The following KPNA5 variants were observed in gnomAD, a reference collection of about 807,000 sequenced individuals.
KPNA5 encodes the protein karyopherin subunit alpha 5, also known as importin subunit alpha-6.
A neutral mutation model predicts 71.3 loss-of-function variants in KPNA5; 46 were observed. That is an observed-to-expected ratio of 0.65 (90% CI 0.51 to 0.83). The LOEUF (loss-of-function observed/expected upper bound fraction) is 0.83. Among genes scored for constraint, KPNA5 ranks in the 40% least tolerant of loss-of-function variants. The probability of loss-of-function intolerance (pLI) is 0.00; values close to 1 mark genes in which losing one functional copy is unlikely to be tolerated. For missense variants in KPNA5, 547 were observed against 628.3 expected (o/e 0.87, Z 1.38); for synonymous variants, 207 against 201.4 (o/e 1.03, Z -0.24).
At position 116,739,149 on chromosome 6, in the gene KPNA5, CAA is replaced by C. The variant is rs1779776371; in HGVS notation, c.*6828_*6829del. 6.6e-6 allele frequency: 1 copy of C among 152,174 alleles called. No individual in the cohort carries two copies. Among genetic ancestry groups the C allele is most frequent in the African/African-American group, 2.4e-5 (1 of 41,434 alleles). 9.4% of individuals were successfully genotyped at this position (152,174 alleles called of 1,614,324 possible). On this transcript the variant is annotated 3_prime_UTR_variant, in exon 14 of 14. Coordinates refer to ENST00000368564, the MANE Select transcript of KPNA5 (RefSeq NM_001366306.2). ...TCCTTAAGCTGATAAGCAACTTCAG[CAA>C]AGTCTCAGGATACAAAATCAATGTA...
At chr6:116,681,872 C>T (rs1224678813) in intron 1 of KPNA5, among the ~76,000 whole-genome samples, 3 of 152,052 alleles carry the variant, frequency 2.0e-5, no homozygotes, top group African/African-American at 7.2e-5. Flanking sequence ...TTCTAATAGT[C>T]GGGCAGCTCC....
chr6:116,722,729 A>G (rs1027273727), intron 9 of KPNA5, among the ~76,000 whole-genome samples: 2 of 152,202 alleles, frequency 1.3e-5, no homozygotes, highest in Non-Finnish European at 2.9e-5. Flanking sequence ...TATTAAAGAT[A>G]ACATGTTTCT....
In KPNA5 at chr6:116,734,742, AAAG is replaced by A. The variant is rs1779611435; in HGVS notation, c.*2422_*2424del. On this transcript the variant is annotated 3_prime_UTR_variant, in exon 14 of 14. Coordinates refer to ENST00000368564, the MANE Select transcript of KPNA5 (RefSeq NM_001366306.2). ...AAAAAAAAAAAAAAAGAAAGAAAGA[AAAG>A]AAAAAAATAAATAAAATGCTCCAAA... The A allele has an allele frequency of 6.6e-6, 1 of 151,180 alleles. No individual in the cohort carries two copies. Among genetic ancestry groups the A allele is most frequent in the Admixed American group, 6.6e-5 (1 of 15,148 alleles). 9.4% of individuals were successfully genotyped at this position (151,180 alleles called of 1,614,324 possible).
intron 1 of KPNA5, among the ~76,000 whole-genome samples, chr6:116,684,490 C>T (rs1777493664): frequency 6.6e-6 from 1 of 152,144 alleles, no homozygotes; most frequent in Non-Finnish European, 1.5e-5. Flanking sequence ...AATGAATAAA[C>T]CGAGTGGCCT....
At chr6:116,722,366 T>C in intron 9 of KPNA5, 77 bp downstream of exon 9, 2 of 1,141,512 alleles carry the variant, frequency 1.8e-6, no homozygotes, top group South Asian at 3.9e-5. Flanking sequence ...GCTTTGTAAA[T>C]ATCTCAAGAG....
chr6:116,712,431 A>G (rs1778735110), intron 7 of KPNA5, among the ~76,000 whole-genome samples: 1 of 152,196 alleles, frequency 6.6e-6, no homozygotes, highest in East Asian at 1.9e-4. Flanking sequence ...TTGCATGGAA[A>G]ATCTTTTTCT....
intron 9 of KPNA5, among the ~76,000 whole-genome samples, chr6:116,723,980 C>G (rs1317622557): frequency 6.6e-6 from 1 of 151,986 alleles, no homozygotes; most frequent in Non-Finnish European, 1.5e-5. Context: ...ACGATATCCC[C>G]CAGCCAAAGT....
chr6:116,681,391 T>C, intron 1 of KPNA5, 53 bp downstream of exon 1: 1 of 1,525,216 alleles, frequency 6.6e-7, no homozygotes, highest in Non-Finnish European at 8.8e-7. Context: ...TTTGGTCCCT[T>C]TGGGAACTAC....
At chr6:116,716,610 A>G (rs1332842540) in intron 8 of KPNA5, among the ~76,000 whole-genome samples, 2 of 152,218 alleles carry the variant, frequency 1.3e-5, no homozygotes, top group Non-Finnish European at 2.9e-5. Context: ...ATAGGAAAAT[A>G]AGTCCCCCAA....
intron 4 of KPNA5, among the ~76,000 whole-genome samples, chr6:116,695,681 C>T (rs953672636): frequency 6.6e-6 from 1 of 152,116 alleles, no homozygotes; most frequent in Non-Finnish European, 1.5e-5. Flanking sequence ...CCTCACATAC[C>T]TTAGCAATGT....
At chr6:116,681,471 G>A in intron 1 of KPNA5, 133 bp downstream of exon 1, 3 of 1,392,772 alleles carry the variant, frequency 2.2e-6, no homozygotes, top group Non-Finnish European at 2.8e-6. Context: ...GCGGTGCCGG[G>A]TGTTTCTCGT....
chr6:116,705,181 A>C, intron 7 of KPNA5, 21 bp downstream of exon 7: 3 of 1,520,912 alleles, frequency 2.0e-6, no homozygotes, highest in Non-Finnish European at 2.7e-6. Flanking sequence ...TATCACAATT[A>C]AGTATATATC....
chr6:116,716,218 G>T lies in KPNA5; in HGVS notation c.657-1G>T. The T allele has an allele frequency of 6.2e-7, 1 of 1,605,796 alleles. No homozygotes were observed. Among genetic ancestry groups the T allele is most frequent in the Non-Finnish European group, 8.5e-7 (1 of 1,176,628 alleles). On this transcript the variant is annotated splice_acceptor_variant, in intron 7 of 13. Transcript: ENST00000368564. LOFTEE classifies it high-confidence loss of function. The stretch of plus-strand genomic sequence containing the variant: ...ATTCTTTTTTTTCTTTTTCTTGGCA[G>T]GTTATTAACAAATTCAAACAGACTC...
intron 4 of KPNA5, among the ~76,000 whole-genome samples, chr6:116,697,663 A>G (rs1293302602): frequency 2.0e-5 from 3 of 152,030 alleles, no homozygotes; most frequent in African/African-American, 7.2e-5. Context: ...TAGAGGAAGT[A>G]AGAAGAAAAG....
chr6:116,689,032 T>C (rs1420812947), intron 1 of KPNA5, among the ~76,000 whole-genome samples: 1 of 152,182 alleles, frequency 6.6e-6, no homozygotes, highest in African/African-American at 2.4e-5. Context: ...CTGTGGGGGC[T>C]AGGGAGACAG....
chr6:116,691,072 TAAAAAA>T (rs1275358773), intron 2 of KPNA5, among the ~76,000 whole-genome samples: 3 of 151,782 alleles, frequency 2.0e-5, no homozygotes, highest in African/African-American at 7.3e-5. Flanking sequence ...CTACTAAAAA[TAAAAAA>T]ATTAGCCGAG....
chr6:116,698,470 A>G (rs1234105503), intron 4 of KPNA5, among the ~76,000 whole-genome samples: 1 of 152,158 alleles, frequency 6.6e-6, no homozygotes, highest in Admixed American at 6.5e-5. Context: ...ATGTTTATGT[A>G]GGAAATATTT....
chr6:116,705,040 A>G (rs1013431560), intron 6 of KPNA5, 32 bp from the exon 7 acceptor site: 2 of 1,500,706 alleles, frequency 1.3e-6, no homozygotes, highest in East Asian at 2.3e-5. Flanking sequence ...AATTTAAAAT[A>G]TTGTCTTAAG....
intron 4 of KPNA5, among the ~76,000 whole-genome samples, chr6:116,693,828 TG>T (rs1777908932): frequency 6.6e-6 from 1 of 152,006 alleles, no homozygotes; most frequent in Non-Finnish European, 1.5e-5. Context: ...ATGTCCTGAA[TG>T]GTATTGCCTA....
Sources: gnomAD v4.1 joint callset for allele counts (sites outside exome capture counted in the v4.1 genomes callset) on GRCh38, gnomAD v4.1.1 for gene constraint, MANE v1.5 for transcripts, NCBI Gene and HGNC (gene_info 2026-07-23, HGNC 2026-07-21) for gene names.